CHIC1: variants seen among roughly 807,000 people sequenced by gnomAD.
The protein encoded by CHIC1 is cysteine rich hydrophobic domain 1.
A neutral mutation model predicts 18.5 loss-of-function variants in CHIC1; 7 were observed. The observed-to-expected ratio is 0.38, with a 90% CI of 0.22 to 0.71. The LOEUF (loss-of-function observed/expected upper bound fraction) is 0.71. Among genes scored for constraint, CHIC1 ranks in the 30% least tolerant of loss-of-function variants. The pLI, the probability that CHIC1 is intolerant of heterozygous loss-of-function variation, is 0.49. For missense variants in CHIC1, 159 were observed against 176.9 expected (o/e 0.90, Z 0.57); for synonymous variants, 77 against 73.5 (o/e 1.05, Z -0.25).
chrX:73,606,503 C>T (rs1375645409), intron 3 of CHIC1, among the ~76,000 whole-genome samples: 1 of 107,600 alleles, frequency 9.3e-6, no homozygotes, highest in Admixed American at 9.9e-5. Flanking sequence ...CAAACTTCTT[C>T]TCCGTCCAGT....
intron 1 of CHIC1, 73 bp downstream of exon 1, chrX:73,563,653 G>A: frequency 1.0e-6 from 1 of 961,757 alleles, no homozygotes; most frequent in Non-Finnish European, 1.3e-6. Context: ...TGATCGAGGG[G>A]CCTGTGGAGT....
chrX:73,649,726 C>G lies in CHIC1; in HGVS notation c.508-29600C>G, dbSNP rs773314712. Among the ~76,000 whole-genome samples, 4 of 111,835 alleles carry G rather than the reference C, an allele frequency of 3.6e-5. No individual in the cohort carries two copies. The South Asian group carries it at 1.5e-3, about 42-fold the overall frequency. ...AGACCTACAAAGAGACTTAGACTCC[C>G]ACACAACAAAAATGGGAGACTTTAA... On this transcript the variant is annotated intron_variant, in intron 3 of 5. Transcript: ENST00000373502.
chrX:73,643,745 T>A (rs1041172848), intron 3 of CHIC1, among the ~76,000 whole-genome samples: 2 of 111,901 alleles, frequency 1.8e-5, no homozygotes, highest in Non-Finnish European at 3.8e-5. Context: ...TTCTCTGCAT[T>A]GGTTATTCTT....
chrX:73,579,763 G>A (rs1051880612), intron 2 of CHIC1, among the ~76,000 whole-genome samples: 3 of 110,046 alleles, frequency 2.7e-5, no homozygotes, highest in African/African-American at 9.8e-5. Flanking sequence ...CAATTGAAGC[G>A]GCAGCCTATA....
intron 3 of CHIC1, among the ~76,000 whole-genome samples, chrX:73,649,603 A>G (rs1218893354): frequency 1.8e-5 from 2 of 112,254 alleles, no homozygotes; most frequent in Non-Finnish European, 3.8e-5. Context: ...AGGACATTAC[A>G]TAATGCTAAA....
intron 3 of CHIC1, among the ~76,000 whole-genome samples, chrX:73,636,891 A>G (rs1230702051): frequency 9.0e-6 from 1 of 110,969 alleles, no homozygotes; most frequent in African/African-American, 3.3e-5. Flanking sequence ...CAATTATTTT[A>G]TGTGTTTATC....
chrX:73,569,708 G>A (rs751198047), intron 1 of CHIC1, among the ~76,000 whole-genome samples: 20 of 111,416 alleles, frequency 1.8e-4, no homozygotes, highest in Non-Finnish European at 3.2e-4. Context: ...GCTGCTAAGT[G>A]AAATGTACCT....
At chrX:73,620,335 G>A (rs530890821) in intron 3 of CHIC1, among the ~76,000 whole-genome samples, 146 of 111,854 alleles carry the variant, frequency 1.3e-3, no homozygotes, top group South Asian at 0.011. Context: ...GTGTAAAAGC[G>A]TTCCTATTTC....
intron 2 of CHIC1, chrX:73,578,611 G>A (rs1276875330): frequency 9.1e-6 from 1 of 109,717 alleles, no homozygotes; most frequent in Non-Finnish European, 1.9e-5. Flanking sequence ...TTCTCATATT[G>A]TTGGTGAGAA....
At chrX:73,631,410 T>C (rs2057806327) in intron 3 of CHIC1, among the ~76,000 whole-genome samples, 1 of 110,194 alleles carries the variant, frequency 9.1e-6, no homozygotes, top group African/African-American at 3.3e-5. Flanking sequence ...GCAGATCACC[T>C]GAGGTTGGGT....
At chrX:73,677,091 A>C (rs894147466) in intron 3 of CHIC1, among the ~76,000 whole-genome samples, 7 of 110,888 alleles carry the variant, frequency 6.3e-5, no homozygotes, top group Non-Finnish European at 1.1e-4. Context: ...GTTCCTCTGG[A>C]AGTTTTGTCT....
rs186590958 is a variant in CHIC1 at position 73,593,255 on chromosome X, T to G, written c.507+8683T>G. Among the ~76,000 whole-genome samples the G allele has an allele frequency of 1.4e-4, 16 of 111,451 alleles. No individual in the cohort carries two copies. In the East Asian group the frequency reaches 4.6e-3, roughly 32 times the overall value. On this transcript the variant is annotated intron_variant, in intron 3 of 5. Coordinates refer to ENST00000373502, the MANE Select transcript of CHIC1 (RefSeq NM_001039840.4). ...CTTCTGCTAGCTTTGTTAGTTTGTT[T>G]TTGTTTTTCTAGTTCCTCTAGGTGC...
chrX:73,664,255 C>T (rs755784390), intron 3 of CHIC1, among the ~76,000 whole-genome samples: 4 of 111,681 alleles, frequency 3.6e-5, no homozygotes, highest in Non-Finnish European at 7.5e-5. Context: ...CTTTTTACAT[C>T]GGGGCATATA....
chrX:73,665,744 G>A (rs1441711989), intron 3 of CHIC1, among the ~76,000 whole-genome samples: 1 of 111,567 alleles, frequency 9.0e-6, no homozygotes, highest in Non-Finnish European at 1.9e-5. Flanking sequence ...CCCTGGCAGA[G>A]TGACAGATGA....
chrX:73,650,686 T>A (rs1603348520), intron 3 of CHIC1, among the ~76,000 whole-genome samples: 2 of 74,813 alleles, frequency 2.7e-5, no homozygotes, highest in Admixed American at 1.7e-4. Flanking sequence ...AGGCAGTAAT[T>A]AATAGCCTAC....
intron 3 of CHIC1, among the ~76,000 whole-genome samples, chrX:73,587,713 A>G (rs1382913134): frequency 8.9e-6 from 1 of 111,770 alleles, no homozygotes; most frequent in African/African-American, 3.2e-5. Flanking sequence ...TGAGAGACAA[A>G]TAGTTCTGCC....
intron 3 of CHIC1, among the ~76,000 whole-genome samples, chrX:73,630,151 G>A (rs1167268044): frequency 9.0e-6 from 1 of 111,204 alleles, no homozygotes; most frequent in African/African-American, 3.3e-5. Flanking sequence ...ACAATTTTTT[G>A]GTGGGGTCTT....
chrX:73,569,378 C>T (rs2057459359), intron 1 of CHIC1, among the ~76,000 whole-genome samples: 1 of 111,412 alleles, frequency 9.0e-6, no homozygotes, highest in African/African-American at 3.3e-5. Context: ...TCCTTTACTT[C>T]AAAGAATTTG....
intron 3 of CHIC1, among the ~76,000 whole-genome samples, chrX:73,645,630 A>G (rs1279294813): frequency 8.9e-6 from 1 of 111,852 alleles, no homozygotes; most frequent in Non-Finnish European, 1.9e-5. Context: ...ATATCTCATT[A>G]TGGTATTCAT....
Sources: gnomAD v4.1 joint callset for allele counts (sites outside exome capture counted in the v4.1 genomes callset) on GRCh38, gnomAD v4.1.1 for gene constraint, MANE v1.5 for transcripts, NCBI Gene and HGNC (gene_info 2026-07-23, HGNC 2026-07-21) for gene names.